Variants in SDCCAG8 observed in about 807,000 individuals in gnomAD.
The protein encoded by SDCCAG8 is serologically defined colon cancer antigen 8.
A neutral mutation model predicts 101.8 loss-of-function variants in SDCCAG8; 74 were observed. The observed-to-expected ratio is 0.73, with a 90% confidence interval of 0.60 to 0.88. SDCCAG8 has a LOEUF of 0.88. Among genes scored for constraint, SDCCAG8 ranks in the 40% least tolerant of loss-of-function variants. The pLI is 0.00. For missense variants in SDCCAG8, 787 were observed against 822.6 expected, an observed-to-expected ratio of 0.96 and a Z score of 0.53; for synonymous variants, 281 against 292.9, an observed-to-expected ratio of 0.96 and a Z score of 0.41.
chr1:243,480,491 TG>T (rs1663336407), intron 16 of SDCCAG8, among the ~76,000 whole-genome samples: 1 of 49,358 alleles, frequency 2.0e-5, no homozygotes, highest in Non-Finnish European at 3.8e-5. Context: ...GATGGATGGG[TG>T]GGATGGATGG....
At chr1:243,321,221 G>T (rs1391652215) in intron 9 of SDCCAG8, among the ~76,000 whole-genome samples, 1 of 152,024 alleles carries the variant, frequency 6.6e-6, no homozygotes, top group African/African-American at 2.4e-5. Context: ...TTATCAAAAT[G>T]TATTATTATT....
At chr1:243,301,321 T>A (rs2071482171) in intron 6 of SDCCAG8, among the ~76,000 whole-genome samples, 1 of 152,168 alleles carries the variant, frequency 6.6e-6, no homozygotes, top group East Asian at 1.9e-4. Flanking sequence ...GTCTTTCCAG[T>A]AAATTGCATA....
At chr1:243,333,352 G>A (rs994079489) in intron 10 of SDCCAG8, among the ~76,000 whole-genome samples, 3 of 152,218 alleles carry the variant, frequency 2.0e-5, no homozygotes, top group South Asian at 4.1e-4. Context: ...TTAATTTTTG[G>A]CACGCAAGAA....
At chr1:243,305,641 G>A (rs1364202607) in intron 7 of SDCCAG8, 1 of 152,082 alleles carries the variant, frequency 6.6e-6, no homozygotes, top group Non-Finnish European at 1.5e-5. Flanking sequence ...TATTTTTGTT[G>A]TTAAAGATTA....
intron 9 of SDCCAG8, among the ~76,000 whole-genome samples, chr1:243,329,774 C>T (rs1397089106): frequency 1.3e-5 from 2 of 152,054 alleles, no homozygotes; most frequent in Admixed American, 6.6e-5. Flanking sequence ...AGTCATATTT[C>T]ATTATTGGGT....
chr1:243,415,434 T>A (rs1470365869), intron 13 of SDCCAG8, among the ~76,000 whole-genome samples: 2 of 152,200 alleles, frequency 1.3e-5, no homozygotes, highest in Non-Finnish European at 2.9e-5. Flanking sequence ...AGTTTTGTGT[T>A]TTAAAGTTAC....
chr1:243,307,257 A>T, intron 7 of SDCCAG8: 1 of 292,020 alleles, frequency 3.4e-6, no homozygotes, highest in Non-Finnish European at 5.1e-6. Context: ...CAAAAACTAC[A>T]CCCACACCCA....
chr1:243,435,850 T>G (rs1330473452), intron 16 of SDCCAG8, among the ~76,000 whole-genome samples: 2 of 152,056 alleles, frequency 1.3e-5, no homozygotes, highest in African/African-American at 4.8e-5. Flanking sequence ...AATCGTATTT[T>G]CAGCATAGTT....
At chr1:243,473,936 G>GTT (rs1661791424) in intron 16 of SDCCAG8, among the ~76,000 whole-genome samples, 1 of 104,368 alleles carries the variant, frequency 9.6e-6, no homozygotes, top group Non-Finnish European at 2.0e-5. Flanking sequence ...GGGGGGGGGG[G>GTT]GGGCCGGGGG....
At chr1:243,384,971 AC>A (rs2078184042) in intron 13 of SDCCAG8, among the ~76,000 whole-genome samples, 1 of 152,062 alleles carries the variant, frequency 6.6e-6, no homozygotes, top group South Asian at 2.1e-4. Context: ...CCATTTATTC[AC>A]CCGTTCTACA....
intron 12 of SDCCAG8, among the ~76,000 whole-genome samples, chr1:243,374,940 T>C (rs2077511493): frequency 6.6e-6 from 1 of 152,144 alleles, no homozygotes. Flanking sequence ...GGGGAAAATG[T>C]CAGTTATCTA....
chr1:243,454,523 C>A (rs1001597399), intron 16 of SDCCAG8, among the ~76,000 whole-genome samples: 1 of 152,150 alleles, frequency 6.6e-6, no homozygotes, highest in African/African-American at 2.4e-5. Flanking sequence ...CATCACTGTA[C>A]CCGTTTGGGC....
At chr1:243,446,048 T>G (rs1424355315) in intron 16 of SDCCAG8, among the ~76,000 whole-genome samples, 3 of 151,994 alleles carry the variant, frequency 2.0e-5, no homozygotes, top group Admixed American at 2.0e-4. Context: ...TGAGTAGCAG[T>G]CATTGGCCAT....
chr1:243,465,689 TAAATGTCTCTGAAATGTAATAAACA>T (rs1468131429), intron 16 of SDCCAG8, among the ~76,000 whole-genome samples: 3 of 152,242 alleles, frequency 2.0e-5, no homozygotes, highest in Non-Finnish European at 4.4e-5. Context: ...CACTATAATT[TAAATGTCTCTGAAATGTAATAAACA>T]GAGCTTTGTC....
chr1:243,461,652 T>C (rs1332153246), intron 16 of SDCCAG8, among the ~76,000 whole-genome samples: 1 of 152,208 alleles, frequency 6.6e-6, no homozygotes, highest in Admixed American at 6.5e-5. Context: ...TGACATTTAT[T>C]TCATTGGAAC....
intron 13 of SDCCAG8, among the ~76,000 whole-genome samples, chr1:243,389,205 A>G (rs2078541947): frequency 6.8e-6 from 1 of 147,586 alleles, no homozygotes. Flanking sequence ...TTTTTCCTCT[A>G]AGAAATGGTT....
At chr1:243,370,060 T>C (rs1351752582) in intron 12 of SDCCAG8, among the ~76,000 whole-genome samples, 1 of 152,054 alleles carries the variant, frequency 6.6e-6, no homozygotes, top group Non-Finnish European at 1.5e-5. Flanking sequence ...GTTTGAAAAA[T>C]GTTTCACCTC....
chr1:243,375,625 G>C (rs2077555915), intron 12 of SDCCAG8, among the ~76,000 whole-genome samples: 1 of 152,122 alleles, frequency 6.6e-6, no homozygotes, highest in Admixed American at 6.6e-5. Flanking sequence ...ACCTGCCTTT[G>C]CCCAGTTAGC....
At chr1:243,397,946 A>G (rs974617814) in intron 13 of SDCCAG8, among the ~76,000 whole-genome samples, 2 of 152,344 alleles carry the variant, frequency 1.3e-5, no homozygotes, top group South Asian at 4.1e-4. Context: ...CATACATACC[A>G]CTTATGTGGG....
Sources: gnomAD v4.1 joint callset for allele counts (sites outside exome capture counted in the v4.1 genomes callset) on GRCh38, gnomAD v4.1.1 for gene constraint, MANE v1.5 for transcripts, NCBI Gene and HGNC (gene_info 2026-07-23, HGNC 2026-07-21) for gene names.